Variants in CSMD3 observed in about 807,000 individuals in gnomAD.
CSMD3 encodes CUB and Sushi multiple domains 3.
Under a neutral mutation model 435.2 loss-of-function variants are expected in CSMD3, and 177 were observed. The ratio of observed to expected loss-of-function variants is 0.41; its 90% CI spans 0.36 to 0.46. The LOEUF (loss-of-function observed/expected upper bound fraction) is 0.46, where lower values mean the gene tolerates loss of function less well. Ranked by LOEUF, CSMD3 falls within the 20% of genes least tolerant of loss-of-function variation. The pLI is 0.34. For missense variants in CSMD3, 4,265 were observed against 4,504.6 expected, an observed-to-expected ratio of 0.95 and a Z score of 1.52; for synonymous variants, 1,656 against 1,520.5, an observed-to-expected ratio of 1.09 and a Z score of -2.07.
chr8:112,416,356 T>C (rs531658379), intron 32 of CSMD3, among the ~76,000 whole-genome samples: 2 of 152,324 alleles, frequency 1.3e-5, no homozygotes, highest in African/African-American at 4.8e-5. Context: ...ACCATGATTG[T>C]AAGTTTCCTG....
chr8:113,299,940 C>T (rs1358414633), intron 2 of CSMD3, among the ~76,000 whole-genome samples: 2 of 151,584 alleles, frequency 1.3e-5, no homozygotes, highest in Non-Finnish European at 2.9e-5. Flanking sequence ...TGCAGTGAGC[C>T]GACATCACGC....
chr8:112,941,359 G>A (rs1353673586), intron 9 of CSMD3, among the ~76,000 whole-genome samples: 1 of 151,796 alleles, frequency 6.6e-6, no homozygotes, highest in Non-Finnish European at 1.5e-5. Flanking sequence ...GTAGGCGACA[G>A]GAAAGCTCTG....
chr8:112,764,123 TTGAAA>T (rs2077916343), intron 13 of CSMD3, among the ~76,000 whole-genome samples: 5 of 151,668 alleles, frequency 3.3e-5, no homozygotes, highest in African/African-American at 1.2e-4. Flanking sequence ...TTCTATACTG[TTGAAA>T]TGAACTAAGA....
intron 1 of CSMD3, among the ~76,000 whole-genome samples, chr8:113,389,653 A>C (rs1374241631): frequency 6.6e-6 from 1 of 151,726 alleles, no homozygotes; most frequent in Non-Finnish European, 1.5e-5. Context: ...TCAAAGTCAA[A>C]TTGTCTGAAT....
rs1037079843 is a variant in CSMD3 at position 113,263,123 on chromosome 8, C to T, written c.514+15469G>A. Among the ~76,000 whole-genome samples the T allele has an allele frequency of 4.6e-5, 7 of 151,998 alleles. No individual in the cohort carries two copies. The South Asian group carries it at 6.2e-4, about 14-fold the overall frequency. On this transcript the variant is annotated intron_variant, in intron 3 of 70. Transcript: ENST00000297405. ...AGTGAAGACTTGTGCTTGTCAGTTA[C>T]GACCAAAAGAGCACACTGCCAGAGA... is the stretch of plus-strand genomic sequence containing the variant.
chr8:112,894,232 T>A (rs1452469916), intron 10 of CSMD3, among the ~76,000 whole-genome samples: 2 of 151,488 alleles, frequency 1.3e-5, no homozygotes, highest in Non-Finnish European at 3.0e-5. Flanking sequence ...GAGATTCATT[T>A]GTATCAGCAT....
At chr8:113,356,313 T>C (rs950554161) in intron 1 of CSMD3, among the ~76,000 whole-genome samples, 3 of 152,074 alleles carry the variant, frequency 2.0e-5, no homozygotes, top group African/African-American at 7.2e-5. Context: ...AGGAAAAAAA[T>C]TGGCTGCCCA....
chr8:112,545,460 G>A (rs1408852169), intron 27 of CSMD3, among the ~76,000 whole-genome samples: 4 of 122,426 alleles, frequency 3.3e-5, no homozygotes, highest in African/African-American at 1.3e-4. Flanking sequence ...TCCAGCCTGG[G>A]CGACAGAGCG....
At chr8:113,041,291 C>T (rs2087604909) in intron 5 of CSMD3, among the ~76,000 whole-genome samples, 1 of 151,594 alleles carries the variant, frequency 6.6e-6, no homozygotes, top group South Asian at 2.1e-4. Context: ...TACCTTGTAC[C>T]CCTCTGTACA....
In CSMD3 at chr8:112,446,867, T is replaced by C. The variant is rs1395642821; in HGVS notation, c.5395+25724A>G. 2.0e-5 allele frequency among the ~76,000 whole-genome samples: 3 copies of C among 152,182 alleles called. No individual in the cohort carries two copies. In the East Asian group the frequency reaches 5.8e-4, roughly 29 times the overall value. On this transcript the variant is annotated intron_variant, in intron 32 of 70. Coordinates refer to ENST00000297405, the MANE Select transcript of CSMD3 (RefSeq NM_198123.2). ...TGATAGCCTCCTGTTACAGGTCTCCTTGACATTCCCTTGGGCTAGTTCTTA... is the reference window on the plus strand; with the variant it reads ...TGATAGCCTCCTGTTACAGGTCTCCCTGACATTCCCTTGGGCTAGTTCTTA...
chr8:113,090,164 G>A lies in CSMD3; in HGVS notation c.917+8592C>T. Reference sequence around the variant, plus strand: ...AATCCATGCCATCAAAGGATTTTGGGGCTAAAATATTTGCCTGTAAGCATT... The same window carrying A: ...AATCCATGCCATCAAAGGATTTTGGAGCTAAAATATTTGCCTGTAAGCATT... On this transcript the variant is annotated intron_variant, in intron 5 of 70. Transcript: ENST00000297405. Among the ~76,000 whole-genome samples the A allele has an allele frequency of 1.3e-5, 2 of 151,864 alleles. 1 individual carries two copies. The highest frequency in any genetic ancestry group is 2.9e-5 in the Non-Finnish European group (2 of 67,980).
chr8:112,353,061 G>GT (rs1826277509), intron 38 of CSMD3, among the ~76,000 whole-genome samples: 1 of 151,932 alleles, frequency 6.6e-6, no homozygotes, highest in African/African-American at 2.4e-5. Flanking sequence ...AAATATAGTT[G>GT]TAAGTAGAAC....
chr8:112,480,327 G>A (rs1317939216), intron 31 of CSMD3, among the ~76,000 whole-genome samples: 1 of 152,158 alleles, frequency 6.6e-6, no homozygotes, highest in Non-Finnish European at 1.5e-5. Flanking sequence ...TGGAACTTAT[G>A]ACTTTGGATT....
In CSMD3 at chr8:112,944,777, T is replaced by TA. The variant is rs1206102405; in HGVS notation, c.1508+3012dup. Reference sequence around the variant, plus strand: ...TCAGTTACCCTTTTAGGTATTGTCATAGTCCTCTGGTCTCTCATGAGCAGG... The same window carrying TA: ...TCAGTTACCCTTTTAGGTATTGTCATAAGTCCTCTGGTCTCTCATGAGCAGG... On this transcript the variant is annotated intron_variant, in intron 9 of 70. Transcript: ENST00000297405. Among the ~76,000 whole-genome samples, 7 of 151,676 alleles carry TA rather than the reference T, an allele frequency of 4.6e-5. No homozygotes were observed. The South Asian group carries it at 1.4e-3, about 31-fold the overall frequency.
intron 1 of CSMD3, among the ~76,000 whole-genome samples, chr8:113,374,278 C>T (rs1322419839): frequency 6.6e-6 from 1 of 151,822 alleles, no homozygotes; most frequent in Non-Finnish European, 1.5e-5. Flanking sequence ...ATATACATGG[C>T]AATGTTAAGA....
chr8:112,458,266 T>C (rs537073482), intron 32 of CSMD3, among the ~76,000 whole-genome samples: 3 of 148,628 alleles, frequency 2.0e-5, no homozygotes, highest in African/African-American at 7.4e-5. Flanking sequence ...ATTGGCTTAT[T>C]AAAGACACTT....
chr8:112,734,084 C>T (rs796314055), intron 13 of CSMD3, among the ~76,000 whole-genome samples: 2 of 151,712 alleles, frequency 1.3e-5, no homozygotes, highest in East Asian at 1.9e-4. Flanking sequence ...AAGAGTAAGA[C>T]AAATGCAATA....
At chr8:112,768,297 G>T (rs2078030790) in intron 13 of CSMD3, among the ~76,000 whole-genome samples, 2 of 151,842 alleles carry the variant, frequency 1.3e-5, no homozygotes. Context: ...CCTGGGTGTG[G>T]TGAGAGTTCG....
At position 112,786,571 on chromosome 8, in the gene CSMD3, C is replaced by A. The variant is rs948579507; in HGVS notation, c.1972+13591G>T. On this transcript the variant is annotated intron_variant, in intron 13 of 70. Coordinates refer to ENST00000297405, the MANE Select transcript of CSMD3 (RefSeq NM_198123.2). ...ATACAACTCAATAGGAAAAAAAAAACCAATAATCTGAATAAAAAATGGGCA... is the reference window on the plus strand; with the variant it reads ...ATACAACTCAATAGGAAAAAAAAAAACAATAATCTGAATAAAAAATGGGCA... Among the ~76,000 whole-genome samples, 44 of 150,344 alleles carry A rather than the reference C, an allele frequency of 2.9e-4. No individual in the cohort carries two copies. In the East Asian group the frequency reaches 4.5e-3, roughly 15 times the overall value.
Sources: gnomAD v4.1 joint callset for allele counts (sites outside exome capture counted in the v4.1 genomes callset) on GRCh38, gnomAD v4.1.1 for gene constraint, MANE v1.5 for transcripts, NCBI Gene and HGNC (gene_info 2026-07-23, HGNC 2026-07-21) for gene names.